The following TMEM233 variants were observed in gnomAD, a reference collection of about 807,000 sequenced individuals.
TMEM233 encodes the protein transmembrane protein 233.
TMEM233 carries 6 observed loss-of-function variants against 11.2 expected under a neutral mutation model. The ratio of observed to expected loss-of-function variants is 0.54; its 90% CI spans 0.29 to 1.06. The LOEUF is 1.06. Ranked by LOEUF, TMEM233 falls within the 50% of genes least tolerant of loss-of-function variation. TMEM233 has a pLI of 0.08. For synonymous variants in TMEM233, 59 were observed against 55.8 expected (o/e 1.06, Z -0.26); for missense variants, 127 against 144.7 (o/e 0.88, Z 0.63).
downstream of TMEM233, among the ~76,000 whole-genome samples, chr12:119,646,419 A>G (rs139312887): frequency 3.9e-5 from 6 of 152,318 alleles, no homozygotes; most frequent in Admixed American, 3.9e-4. Context: ...AATGAGTTAA[A>G]ACAACCCAAA....
intron 1 of TMEM233, among the ~76,000 whole-genome samples, chr12:119,602,357 T>A (rs1470881933): frequency 6.6e-6 from 1 of 152,210 alleles, no homozygotes; most frequent in Non-Finnish European, 1.5e-5. Context: ...ATTCATTGGA[T>A]CTCTCCCTGT....
At chr12:119,639,577 A>C (rs1374597972) in intron 2 of TMEM233, among the ~76,000 whole-genome samples, 6 of 151,922 alleles carry the variant, frequency 3.9e-5, no homozygotes, top group Admixed American at 2.6e-4. Context: ...AGCCGAGATC[A>C]TGCCACTGCA....
intron 1 of TMEM233, among the ~76,000 whole-genome samples, chr12:119,608,049 G>A (rs1438836979): frequency 6.6e-6 from 1 of 152,136 alleles, no homozygotes; most frequent in Non-Finnish European, 1.5e-5. Context: ...AGAAACTACA[G>A]CTTAGCACAG....
chr12:119,653,985 A>C, the TMEM233 span, among the ~76,000 whole-genome samples: 1 of 142,678 alleles, frequency 7.0e-6, no homozygotes, highest in Non-Finnish European at 1.6e-5. Context: ...AAAAAAAAAA[A>C]CAAAAACCCA....
intron 2 of TMEM233, among the ~76,000 whole-genome samples, chr12:119,636,085 C>T (rs987907954): frequency 5.9e-5 from 9 of 152,216 alleles, no homozygotes; most frequent in African/African-American, 2.2e-4. Context: ...GGCCATTTGT[C>T]CTCCCTGGAG....
intron 1 of TMEM233, among the ~76,000 whole-genome samples, chr12:119,596,883 T>C (rs980047480): frequency 6.6e-5 from 10 of 152,170 alleles, no homozygotes; most frequent in Admixed American, 5.2e-4. Flanking sequence ...GTTGTAAGGA[T>C]GAAACAAAAC....
At chr12:119,645,745 C>G (rs1050067046), downstream of TMEM233, among the ~76,000 whole-genome samples, 14 of 152,198 alleles carry the variant, frequency 9.2e-5, no homozygotes, top group South Asian at 6.2e-4. Context: ...GCGTTCATCT[C>G]TCTTCCTGTC....
intron 1 of TMEM233, among the ~76,000 whole-genome samples, chr12:119,597,057 A>G (rs1029001111): frequency 6.6e-5 from 10 of 152,124 alleles, no homozygotes; most frequent in Admixed American, 5.2e-4. Flanking sequence ...TTTCCCATTG[A>G]TATATAGTGC....
chr12:119,627,631 G>A (rs991880989), intron 1 of TMEM233, among the ~76,000 whole-genome samples: 4 of 152,158 alleles, frequency 2.6e-5, no homozygotes, highest in Admixed American at 6.5e-5. Flanking sequence ...AGGGCACCAA[G>A]CCATTAATGA....
At chr12:119,648,360 T>A in the TMEM233 span, among the ~76,000 whole-genome samples, 1 of 152,272 alleles carries the variant, frequency 6.6e-6, no homozygotes, top group Non-Finnish European at 1.5e-5. Context: ...GCATCTAGAC[T>A]AGGGCTTGGC....
chr12:119,598,923 T>C (rs1954100971), intron 1 of TMEM233, among the ~76,000 whole-genome samples: 1 of 152,210 alleles, frequency 6.6e-6, no homozygotes, highest in African/African-American at 2.4e-5. Flanking sequence ...AGTATTGATG[T>C]TGATGATGGT....
chr12:119,613,554 C>G (rs1408294481), intron 1 of TMEM233, among the ~76,000 whole-genome samples: 1 of 152,206 alleles, frequency 6.6e-6, no homozygotes, highest in African/African-American at 2.4e-5. Flanking sequence ...TGGCTCATGC[C>G]TGTAATCCCA....
chr12:119,622,195 G>A (rs1954656807), intron 1 of TMEM233, among the ~76,000 whole-genome samples: 1 of 152,190 alleles, frequency 6.6e-6, no homozygotes, highest in African/African-American at 2.4e-5. Flanking sequence ...ATGGAAGCAG[G>A]AGAAAGTGTC....
downstream of TMEM233, among the ~76,000 whole-genome samples, chr12:119,646,646 C>A (rs376968454): frequency 4.1e-4 from 62 of 152,308 alleles, 1 homozygote; most frequent in South Asian, 0.012. Context: ...TTATTATCTT[C>A]TTTATTATCT....
intron 1 of TMEM233, among the ~76,000 whole-genome samples, chr12:119,614,003 G>A (rs1593289312): frequency 6.6e-6 from 1 of 152,132 alleles, no homozygotes; most frequent in East Asian, 1.9e-4. Flanking sequence ...CTCCAAACGA[G>A]ATAGGAGAGC....
chr12:119,629,695 G>A, intron 1 of TMEM233, 41 bp from the exon 2 acceptor site: 3 of 1,527,026 alleles, frequency 2.0e-6, no homozygotes, highest in African/African-American at 1.4e-5. Flanking sequence ...CTTTCCCTGT[G>A]GGTTATCTGT....
intron 2 of TMEM233, among the ~76,000 whole-genome samples, chr12:119,632,624 A>G (rs968798060): frequency 2.0e-4 from 31 of 152,180 alleles, no homozygotes; most frequent in African/African-American, 7.2e-5. Context: ...GGTGGGGACC[A>G]TGGTAATTTC....
intron 2 of TMEM233, among the ~76,000 whole-genome samples, chr12:119,630,493 TA>T (rs1207855699): frequency 1.3e-5 from 2 of 152,364 alleles, no homozygotes; most frequent in Non-Finnish European, 2.9e-5. Flanking sequence ...CACAGCTACT[TA>T]GCTCTGCCAT....
intron 2 of TMEM233, among the ~76,000 whole-genome samples, chr12:119,632,561 G>T (rs1167165581): frequency 6.6e-6 from 1 of 152,138 alleles, no homozygotes; most frequent in East Asian, 1.9e-4. Context: ...AGGAGTACAG[G>T]GGTCAGGGGA....
Sources: gnomAD v4.1 joint callset for allele counts (sites outside exome capture counted in the v4.1 genomes callset) on GRCh38, gnomAD v4.1.1 for gene constraint, MANE v1.5 for transcripts, NCBI Gene and HGNC (gene_info 2026-07-23, HGNC 2026-07-21) for gene names.